The following FNIP1 variants were observed in gnomAD, a reference collection of about 807,000 sequenced individuals.
The protein encoded by FNIP1 is folliculin-interacting protein 1.
Under a neutral mutation model 124.5 loss-of-function variants are expected in FNIP1, and 40 were observed. The observed-to-expected ratio is 0.32, with a 90% CI of 0.25 to 0.42. FNIP1 has a LOEUF of 0.42. Among genes scored for constraint, FNIP1 ranks in the 10% least tolerant of loss-of-function variants. The pLI is 1.00. For synonymous variants in FNIP1, 472 were observed against 470.6 expected, an observed-to-expected ratio of 1.00 and a Z score of -0.04; for missense variants, 1,176 against 1,403.7, an observed-to-expected ratio of 0.84 and a Z score of 2.59.
chr5:131,744,523 G>T, intron 2 of FNIP1, 41 bp downstream of exon 2: 1 of 1,559,374 alleles, frequency 6.4e-7, no homozygotes, highest in Non-Finnish European at 8.7e-7. Flanking sequence ...TTATCAAAAT[G>T]TTCAACATTA....
At chr5:131,658,306 A>G (rs1653744423) in intron 15 of FNIP1, among the ~76,000 whole-genome samples, 1 of 152,194 alleles carries the variant, frequency 6.6e-6, no homozygotes, top group African/African-American at 2.4e-5. Flanking sequence ...GCCTTTGCAA[A>G]AGTTATATTA....
chr5:131,692,136 A>C (rs969791386), intron 11 of FNIP1, among the ~76,000 whole-genome samples: 1 of 152,184 alleles, frequency 6.6e-6, no homozygotes, highest in Non-Finnish European at 1.5e-5. Flanking sequence ...TTCTATATAA[A>C]AAGTTTCAAA....
rs1027841258 is a variant in FNIP1, at chr5:131,656,988, A to G, written c.3109-4989T>C. Among the ~76,000 whole-genome samples, 3 of 151,742 alleles carry G rather than the reference A, an allele frequency of 2.0e-5. No individual in the cohort carries two copies. The South Asian group carries it at 6.2e-4, about 32-fold the overall frequency. On this transcript the variant is annotated intron_variant, in intron 15 of 17. Transcript: ENST00000510461. ...AGAACAAGAAAGCCTGAAAAACAAA[A>G]ACTCTTTTTCTGGATTGAATCCACC...
chr5:131,735,598 A>G (rs1475664570), intron 2 of FNIP1, among the ~76,000 whole-genome samples: 2 of 148,926 alleles, frequency 1.3e-5, no homozygotes, highest in Non-Finnish European at 3.0e-5. Flanking sequence ...GTATTTATAT[A>G]TGTATACATA....
chr5:131,778,892 A>T (rs1432205189), intron 1 of FNIP1, among the ~76,000 whole-genome samples: 12 of 125,248 alleles, frequency 9.6e-5, no homozygotes, highest in African/African-American at 3.7e-4. Context: ...AAACTATCGC[A>T]AGAACAAAAA....
chr5:131,686,855 A>G (rs1768292086), intron 11 of FNIP1, among the ~76,000 whole-genome samples: 3 of 152,070 alleles, frequency 2.0e-5, no homozygotes, highest in Non-Finnish European at 4.4e-5. Flanking sequence ...ATGCGCCACC[A>G]AGCTTGGCCC....
intron 1 of FNIP1, among the ~76,000 whole-genome samples, chr5:131,780,201 A>G (rs1415497511): frequency 6.6e-6 from 1 of 152,218 alleles, no homozygotes; most frequent in Admixed American, 6.5e-5. Context: ...TCAAATGTAG[A>G]GACTTCAATA....
intron 15 of FNIP1, among the ~76,000 whole-genome samples, chr5:131,657,239 T>A (rs1348580549): frequency 6.6e-6 from 1 of 151,654 alleles, no homozygotes; most frequent in African/African-American, 2.4e-5. Flanking sequence ...CCTGACCTCA[T>A]GATCCACACA....
At chr5:131,759,103 A>G (rs1360702887) in intron 1 of FNIP1, among the ~76,000 whole-genome samples, 1 of 152,154 alleles carries the variant, frequency 6.6e-6, no homozygotes, top group Non-Finnish European at 1.5e-5. Flanking sequence ...AATTAACTCA[A>G]GATGGAGTAA....
At position 131,677,892 on chromosome 5, in the gene FNIP1, G is replaced by T; in HGVS notation, c.1350-20C>A. ...AAGAATCTGAAAACAAAATACATCT[G>T]ATCAGATTCCAATCAGTCTTCATGA... On this transcript the variant is annotated intron_variant, in intron 12 of 17. Coordinates refer to ENST00000510461, the MANE Select transcript of FNIP1 (RefSeq NM_133372.3). 1 of 1,607,044 alleles carries T rather than the reference G, an allele frequency of 6.2e-7. No homozygotes were observed. The highest frequency in any genetic ancestry group is 1.1e-5 in the South Asian group (1 of 90,662).
chr5:131,794,854 G>C (rs1772527552), intron 1 of FNIP1, among the ~76,000 whole-genome samples: 1 of 152,232 alleles, frequency 6.6e-6, no homozygotes, highest in African/African-American at 2.4e-5. Context: ...ATCAGTGACT[G>C]CCACGGGTGA....
chr5:131,666,289 T>C (rs577578109), intron 15 of FNIP1, among the ~76,000 whole-genome samples: 4 of 152,320 alleles, frequency 2.6e-5, no homozygotes, highest in Admixed American at 1.3e-4. Context: ...ATTTTTCTTT[T>C]TGTCAAATTT....
intron 2 of FNIP1, among the ~76,000 whole-genome samples, chr5:131,738,032 A>G (rs957992767): frequency 2.6e-5 from 4 of 152,196 alleles, no homozygotes; most frequent in African/African-American, 7.2e-5. Flanking sequence ...TCATTAGAAA[A>G]GGAAAGACCT....
chr5:131,700,738 T>G (rs1768870978), intron 10 of FNIP1, among the ~76,000 whole-genome samples: 1 of 151,040 alleles, frequency 6.6e-6, no homozygotes, highest in South Asian at 2.1e-4. Flanking sequence ...TAGCTTTTAT[T>G]TAAAAAAAAA....
chr5:131,722,593 G>A (rs1769704313), intron 3 of FNIP1, among the ~76,000 whole-genome samples: 1 of 152,080 alleles, frequency 6.6e-6, no homozygotes, highest in South Asian at 2.1e-4. Context: ...TATTATTAGG[G>A]TTAAGATAAT....
chr5:131,751,132 G>A (rs1398748942), intron 1 of FNIP1, among the ~76,000 whole-genome samples: 1 of 151,966 alleles, frequency 6.6e-6, no homozygotes, highest in Admixed American at 6.6e-5. Context: ...CTCTTTTCAT[G>A]TTACCCATAA....
At chr5:131,691,665 G>A (rs189852381) in intron 11 of FNIP1, among the ~76,000 whole-genome samples, 51 of 152,132 alleles carry the variant, frequency 3.4e-4, no homozygotes, top group African/African-American at 1.0e-3. Flanking sequence ...TACTATGAAC[G>A]TTAAAAGGAT....
chr5:131,689,516 T>C (rs1768403097), intron 11 of FNIP1, among the ~76,000 whole-genome samples: 1 of 152,120 alleles, frequency 6.6e-6, no homozygotes, highest in Non-Finnish European at 1.5e-5. Context: ...ATGACAGCAA[T>C]GTTATAAGGG....
At chr5:131,699,427 T>A (rs1174452473) in intron 10 of FNIP1, among the ~76,000 whole-genome samples, 1 of 145,074 alleles carries the variant, frequency 6.9e-6, no homozygotes, top group Non-Finnish European at 1.5e-5. Context: ...AGAGTCTCAC[T>A]CTGTCACCTA....
Sources: gnomAD v4.1 joint callset for allele counts (sites outside exome capture counted in the v4.1 genomes callset) on GRCh38, gnomAD v4.1.1 for gene constraint, MANE v1.5 for transcripts, NCBI Gene and HGNC (gene_info 2026-07-23, HGNC 2026-07-21) for gene names.